The following DPP10 variants were observed in gnomAD, a reference collection of about 807,000 sequenced individuals.
The protein encoded by DPP10 is dipeptidyl peptidase like 10, also known as inactive dipeptidyl peptidase 10.
A neutral mutation model predicts 120.9 loss-of-function variants in DPP10; 33 were observed. The ratio of observed to expected loss-of-function variants is 0.27; its 90% CI spans 0.21 to 0.37. The LOEUF (loss-of-function observed/expected upper bound fraction) is 0.37, where lower values mean the gene tolerates loss of function less well. DPP10 is among the 10% of genes least tolerant of loss of function. The pLI is 1.00. For synonymous variants in DPP10, 337 were observed against 326.1 expected, an observed-to-expected ratio of 1.03 and a Z score of -0.36; for missense variants, 816 against 942.8, an observed-to-expected ratio of 0.87 and a Z score of 1.76.
At chr2:115,131,510 C>A (rs1198693425) in intron 1 of DPP10, among the ~76,000 whole-genome samples, 1 of 151,768 alleles carries the variant, frequency 6.6e-6, no homozygotes, top group Non-Finnish European at 1.5e-5. Flanking sequence ...AAAACCCTGT[C>A]TCAAAAAGTA....
chr2:114,993,578 GTGTATATATATATA>G lies in DPP10; in HGVS notation c.61-315659_61-315646del, dbSNP rs1358041549. Among the ~76,000 whole-genome samples the G allele has an allele frequency of 1.8e-4, 16 of 89,198 alleles. 1 individual carries two copies. The Admixed American group carries it at 2.1e-3, about 12-fold the overall frequency. 58.5% of individuals were successfully genotyped at this position (89,198 alleles called of 152,430 possible). A position where few individuals can be genotyped will look rare whatever the true frequency, so the allele number is the denominator to read the frequency against. On this transcript the variant is annotated intron_variant, in intron 1 of 25. Transcript: ENST00000410059. ...GGATTCTTATTATGTGTGTGTGTGTGTGTATATATATATATATATATATATATATGAATTTATTT... is the reference window on the plus strand; with the variant it reads ...GGATTCTTATTATGTGTGTGTGTGTGTATATATATATATATGAATTTATTT...
chr2:115,262,565 ATTG>A lies in DPP10; in HGVS notation c.61-46671_61-46669del, dbSNP rs373952055. On this transcript the variant is annotated intron_variant, in intron 1 of 25. Coordinates refer to ENST00000410059, the MANE Select transcript of DPP10 (RefSeq NM_020868.6). ...ATTAATATAACATTTTTATAAACGTATTGTTTCTGTTTCAAACATGAGTCTTGG... is the reference window on the plus strand; with the variant it reads ...ATTAATATAACATTTTTATAAACGTATTTCTGTTTCAAACATGAGTCTTGG... Among the ~76,000 whole-genome samples the A allele has an allele frequency of 9.9e-4, 150 of 152,222 alleles. 2 individuals carry two copies. The highest frequency in any genetic ancestry group is 3.4e-3 in the African/African-American group (141 of 41,556).
chr2:114,875,803 T>A (rs1691101357), intron 1 of DPP10, among the ~76,000 whole-genome samples: 1 of 152,142 alleles, frequency 6.6e-6, no homozygotes, highest in Non-Finnish European at 1.5e-5. Context: ...TCATGTATAA[T>A]TTAGAGAGAT....
intron 1 of DPP10, among the ~76,000 whole-genome samples, chr2:115,289,752 G>A (rs1050891892): frequency 6.6e-6 from 1 of 152,076 alleles, no homozygotes; most frequent in African/African-American, 2.4e-5. Context: ...CTGGGGAAAG[G>A]ACACCCTATT....
At chr2:114,595,405 A>T (rs1021298597) in intron 1 of DPP10, among the ~76,000 whole-genome samples, 4 of 152,136 alleles carry the variant, frequency 2.6e-5, no homozygotes, top group African/African-American at 9.7e-5. Context: ...CTTTGTGAGG[A>T]TGGTTGTCTC....
chr2:114,873,554 C>CATGG (rs1219311998), intron 1 of DPP10, among the ~76,000 whole-genome samples: 1 of 152,046 alleles, frequency 6.6e-6, no homozygotes, highest in Admixed American at 6.6e-5. Context: ...TCGGTGCGTG[C>CATGG]ATGGATGGAG....
At chr2:114,649,792 T>G (rs1386865277) in intron 1 of DPP10, among the ~76,000 whole-genome samples, 1 of 150,860 alleles carries the variant, frequency 6.6e-6, no homozygotes, top group African/African-American at 2.5e-5. Flanking sequence ...CAATGTTATT[T>G]ATATCTTCTA....
intron 1 of DPP10, among the ~76,000 whole-genome samples, chr2:114,826,815 A>T (rs577372428): frequency 3.3e-5 from 5 of 152,330 alleles, no homozygotes; most frequent in African/African-American, 1.2e-4. Flanking sequence ...GGCGTGAGCC[A>T]CCGTGCTGGG....
chr2:115,535,726 T>C (rs1194913703), intron 5 of DPP10, among the ~76,000 whole-genome samples: 1 of 151,568 alleles, frequency 6.6e-6, no homozygotes, highest in African/African-American at 2.4e-5. Flanking sequence ...TTCACGATAT[T>C]GATTCTTCCT....
At chr2:115,261,848 C>G (rs146980635) in intron 1 of DPP10, among the ~76,000 whole-genome samples, 159 of 152,300 alleles carry the variant, frequency 1.0e-3, no homozygotes, top group African/African-American at 3.7e-3. Context: ...CAAGCTTCCT[C>G]CTAAAACACG....
intron 11 of DPP10, among the ~76,000 whole-genome samples, chr2:115,761,500 AAT>A (rs1680109779): frequency 1.3e-5 from 2 of 152,296 alleles, no homozygotes; most frequent in Admixed American, 1.3e-4. Flanking sequence ...TGAGACAAAC[AAT>A]AACAAATGAA....
rs372302883 is a variant in DPP10, at chr2:115,166,529, A to ATATTATATAAATTTATAAATATATAT, written c.61-142707_61-142706insTATATAAATTTATAAATATATATTAT. ...TTATATAAATTTATAATATAAATAT[A>ATATTATATAAATTTATAAATATATAT]TATATAAATTTATAATATAAATATA... On this transcript the variant is annotated intron_variant, in intron 1 of 25. Transcript: ENST00000410059. Among the ~76,000 whole-genome samples, 5 of 115,166 alleles carry ATATTATATAAATTTATAAATATATAT rather than the reference A, an allele frequency of 4.3e-5. 1 individual carries two copies. Among genetic ancestry groups the ATATTATATAAATTTATAAATATATAT allele is most frequent in the African/African-American group, 1.6e-4 (5 of 30,346 alleles). The allele number at this position is 115,166 out of a possible 152,430, so 75.6% of individuals were successfully genotyped here. A position where few individuals can be genotyped will look rare whatever the true frequency, so the allele number is the denominator to read the frequency against.
At chr2:114,806,102 C>T (rs1027616420) in intron 1 of DPP10, among the ~76,000 whole-genome samples, 4 of 152,194 alleles carry the variant, frequency 2.6e-5, no homozygotes, top group Admixed American at 6.5e-5. Flanking sequence ...CAAAATTATC[C>T]ATCTCAGGGA....
intron 1 of DPP10, among the ~76,000 whole-genome samples, chr2:115,213,614 A>G (rs917138716): frequency 1.3e-5 from 2 of 152,086 alleles, no homozygotes; most frequent in African/African-American, 4.8e-5. Flanking sequence ...GTAGGGGAGA[A>G]TAGGTCTACA....
chr2:114,726,376 G>T (rs1702052826), intron 1 of DPP10, among the ~76,000 whole-genome samples: 1 of 152,150 alleles, frequency 6.6e-6, no homozygotes, highest in Non-Finnish European at 1.5e-5. Flanking sequence ...ATGAGGAATG[G>T]TTCTACTGAC....
intron 1 of DPP10, among the ~76,000 whole-genome samples, chr2:115,188,625 T>C (rs1396972875): frequency 1.3e-5 from 2 of 152,200 alleles, no homozygotes; most frequent in Non-Finnish European, 2.9e-5. Context: ...TATAGGAATT[T>C]ATACTACACT....
rs1023029344 is a variant in DPP10 at position 115,233,843 on chromosome 2, G to C, written c.61-75396G>C. On this transcript the variant is annotated intron_variant, in intron 1 of 25. Coordinates refer to ENST00000410059, the MANE Select transcript of DPP10 (RefSeq NM_020868.6). ...TTGCCACACCAAATGTGGGATGCAG[G>C]CTTTTCCCCATCTTCCACACACATA... 17 of 468,902 alleles carry C rather than the reference G, an allele frequency of 3.6e-5. No homozygotes were observed. The East Asian group carries it at 1.0e-3, about 28-fold the overall frequency. 29.0% of individuals were successfully genotyped at this position (468,902 alleles called of 1,614,324 possible).
chr2:114,685,889 C>T (rs1303430155), intron 1 of DPP10, among the ~76,000 whole-genome samples: 1 of 152,004 alleles, frequency 6.6e-6, no homozygotes, highest in African/African-American at 2.4e-5. Flanking sequence ...ATTATTCCCA[C>T]AGCAGCTGCC....
In DPP10 at chr2:115,032,719, G is replaced by GA. The variant is rs1156648544; in HGVS notation, c.61-276510dup. ...AACATGGCGAAACCCGGTATCTACT[G>GA]AAAAAAAAAACAAAAATTAGCTGAG... On this transcript the variant is annotated intron_variant, in intron 1 of 25. Coordinates refer to ENST00000410059, the MANE Select transcript of DPP10 (RefSeq NM_020868.6). Among the ~76,000 whole-genome samples, 534 of 143,076 alleles carry GA rather than the reference G, an allele frequency of 3.7e-3. 15 individuals are homozygous for GA. The East Asian group carries it at 0.061, about 16-fold the overall frequency. 93.9% of individuals were successfully genotyped at this position (143,076 alleles called of 152,430 possible).
Sources: allele counts gnomAD v4.1 joint callset (sites outside exome capture counted in the v4.1 genomes callset), GRCh38; gene constraint gnomAD v4.1.1; transcripts MANE v1.5; gene names NCBI Gene and HGNC (gene_info 2026-07-23, HGNC 2026-07-21).